PARD3B: variants seen among roughly 807,000 people sequenced by gnomAD.
PARD3B encodes the protein par-3 family cell polarity regulator beta, also known as partitioning defective 3 homolog B.
Under a neutral mutation model 130.2 loss-of-function variants are expected in PARD3B, and 103 were observed. The ratio of observed to expected loss-of-function variants is 0.79; its 90% CI spans 0.67 to 0.93. PARD3B has a LOEUF of 0.93. Among genes scored for constraint, PARD3B ranks in the 40% least tolerant of loss-of-function variants. The pLI is 0.00. For synonymous variants in PARD3B, 583 were observed against 553.2 expected, an observed-to-expected ratio of 1.05 and a Z score of -0.76; for missense variants, 1,609 against 1,499.2, an observed-to-expected ratio of 1.07 and a Z score of -1.21.
chr2:205,459,324 C>A (rs2048372959), intron 20 of PARD3B, among the ~76,000 whole-genome samples: 1 of 152,016 alleles, frequency 6.6e-6, no homozygotes, highest in Non-Finnish European at 1.5e-5. Flanking sequence ...GCTTATCCAG[C>A]TTTTTTGATT....
intron 2 of PARD3B, among the ~76,000 whole-genome samples, chr2:204,843,008 AG>A (rs1437928367): frequency 6.6e-6 from 1 of 152,108 alleles, no homozygotes; most frequent in Admixed American, 6.5e-5. Context: ...AATCTCCTGG[AG>A]GGCTTATTCA....
chr2:205,058,394 G>A (rs963436004), intron 4 of PARD3B, among the ~76,000 whole-genome samples: 4 of 151,916 alleles, frequency 2.6e-5, no homozygotes, highest in Non-Finnish European at 5.9e-5. Flanking sequence ...AAATGCTACT[G>A]TGGATACGGG....
At chr2:204,961,720 A>G (rs1371614058) in intron 2 of PARD3B, among the ~76,000 whole-genome samples, 3 of 152,200 alleles carry the variant, frequency 2.0e-5, no homozygotes, top group African/African-American at 7.2e-5. Flanking sequence ...CAGAGAAATA[A>G]GGGTATACCA....
intron 2 of PARD3B, among the ~76,000 whole-genome samples, chr2:204,892,320 A>G (rs2046478078): frequency 6.6e-6 from 1 of 152,124 alleles, no homozygotes; most frequent in African/African-American, 2.4e-5. Context: ...GGGTGGAGGA[A>G]GATCTTATTG....
rs1049541907 is a variant in PARD3B, at chr2:204,887,610, G to A, written c.223-77542G>A. On this transcript the variant is annotated intron_variant, in intron 2 of 22. Coordinates refer to ENST00000406610, the MANE Select transcript of PARD3B (RefSeq NM_001302769.2). The surrounding 1 kb of genome is among the most constrained non-coding windows in gnomAD (Gnocchi z 4.2). The stretch of plus-strand genomic sequence containing the variant: ...ATTAAAAGAAGCCCAAACTGCTGTA[G>A]ATGAGGATGCTGCTTTCTTTGATTT... Among the ~76,000 whole-genome samples, 5 of 152,176 alleles carry A rather than the reference G, an allele frequency of 3.3e-5. No homozygotes were observed. The highest frequency in any genetic ancestry group is 7.2e-5 in the African/African-American group (3 of 41,436).
intron 3 of PARD3B, among the ~76,000 whole-genome samples, chr2:204,966,148 G>GA (rs1001264989): frequency 2.0e-5 from 3 of 152,106 alleles, no homozygotes; most frequent in African/African-American, 7.2e-5. Context: ...CAAAACATAT[G>GA]CTTAAAATGG....
At chr2:205,289,548 T>C (rs1292244192) in intron 16 of PARD3B, among the ~76,000 whole-genome samples, 1 of 152,010 alleles carries the variant, frequency 6.6e-6, no homozygotes, top group African/African-American at 2.4e-5. Context: ...GTAACACAAA[T>C]AGTATATGGG....
intron 19 of PARD3B, among the ~76,000 whole-genome samples, chr2:205,419,491 C>A (rs1174034059): frequency 2.0e-5 from 3 of 152,154 alleles, no homozygotes; most frequent in Non-Finnish European, 2.9e-5. Context: ...ATTGAACTTT[C>A]TTTACAGTTT....
At chr2:204,743,070 G>A (rs2040073727) in intron 2 of PARD3B, among the ~76,000 whole-genome samples, 1 of 152,040 alleles carries the variant, frequency 6.6e-6, no homozygotes, top group Non-Finnish European at 1.5e-5. Context: ...TAATTTTTTG[G>A]AATAGTAATT....
intron 16 of PARD3B, among the ~76,000 whole-genome samples, chr2:205,254,283 G>T (rs990179240): frequency 6.6e-6 from 1 of 151,800 alleles, no homozygotes; most frequent in East Asian, 1.9e-4. Flanking sequence ...AATCGTAGCC[G>T]ACACCTCATA....
At chr2:204,966,554 C>T (rs1691270205) in intron 3 of PARD3B, among the ~76,000 whole-genome samples, 1 of 152,138 alleles carries the variant, frequency 6.6e-6, no homozygotes. Flanking sequence ...GAAAATTGCT[C>T]TTGCTTATTT....
chr2:204,582,713 G>C (rs2032624672), intron 1 of PARD3B, among the ~76,000 whole-genome samples: 1 of 152,204 alleles, frequency 6.6e-6, no homozygotes, highest in South Asian at 2.1e-4. Flanking sequence ...GGTTAGAAGG[G>C]AGGTTTTCTA....
intron 18 of PARD3B, among the ~76,000 whole-genome samples, chr2:205,334,238 G>A (rs2043232990): frequency 6.6e-6 from 1 of 152,178 alleles, no homozygotes; most frequent in South Asian, 2.1e-4. Flanking sequence ...GCAAGAGTGT[G>A]CTCTCATGCT....
In PARD3B at chr2:204,998,520, G is replaced by A. The variant is rs1465747928; in HGVS notation, c.394+33197G>A. 1.4e-4 allele frequency among the ~76,000 whole-genome samples: 6 copies of A among 44,274 alleles called. 1 individual carries two copies. Among genetic ancestry groups the A allele is most frequent in the African/African-American group, 2.5e-4 (4 of 16,108 alleles). 29.0% of individuals were successfully genotyped at this position (44,274 alleles called of 152,430 possible). A position where few individuals can be genotyped will look rare whatever the true frequency, so the allele number is the denominator to read the frequency against. On this transcript the variant is annotated intron_variant, in intron 3 of 22. Coordinates refer to ENST00000406610, the MANE Select transcript of PARD3B (RefSeq NM_001302769.2). ...TATATATGTGTATATATATATGTGTGTGTATATATATGTGTGTATATATAT... is the reference window on the plus strand; with the variant it reads ...TATATATGTGTATATATATATGTGTATGTATATATATGTGTGTATATATAT...
At chr2:204,877,078 T>A (rs2045874845) in intron 2 of PARD3B, among the ~76,000 whole-genome samples, 1 of 151,956 alleles carries the variant, frequency 6.6e-6, no homozygotes, top group Non-Finnish European at 1.5e-5. Flanking sequence ...AAATGATGAG[T>A]TCATGTCCTT....
intron 2 of PARD3B, among the ~76,000 whole-genome samples, chr2:204,725,739 T>C (rs2039195790): frequency 6.6e-6 from 1 of 152,166 alleles, no homozygotes; most frequent in African/African-American, 2.4e-5. Context: ...GGTATCCTTG[T>C]GAGACTTAAA....
intron 20 of PARD3B, among the ~76,000 whole-genome samples, chr2:205,494,957 C>T (rs535452218): frequency 6.6e-6 from 1 of 152,258 alleles, no homozygotes; most frequent in Non-Finnish European, 1.5e-5. Context: ...TTTAGGACAT[C>T]ATAGGAGCTT....
intron 22 of PARD3B, among the ~76,000 whole-genome samples, chr2:205,602,586 G>T (rs529812500): frequency 3.3e-5 from 5 of 152,206 alleles, no homozygotes; most frequent in Admixed American, 3.3e-4. Context: ...TCACCTTCCT[G>T]ATTCAGTCTT....
chr2:205,316,141 G>A (rs2042556528), intron 18 of PARD3B, among the ~76,000 whole-genome samples: 1 of 152,104 alleles, frequency 6.6e-6, no homozygotes. Flanking sequence ...GTCATTCTTG[G>A]TAATAGTATT....
Sources: gnomAD v4.1 joint callset for allele counts (sites outside exome capture counted in the v4.1 genomes callset) on GRCh38, gnomAD v4.1.1 for gene constraint, Gnocchi (gnomAD v3.1) non-coding constraint, MANE v1.5 for transcripts, NCBI Gene and HGNC (gene_info 2026-07-23, HGNC 2026-07-21) for gene names.